The following SH3RF1 variants were observed in gnomAD, a reference collection of about 807,000 sequenced individuals.
SH3RF1 encodes SH3 domain containing ring finger 1.
In SH3RF1, 32 loss-of-function variants were observed where a neutral mutation model predicts 74.0. That is an observed-to-expected ratio of 0.43 (90% CI 0.33 to 0.58). SH3RF1 has a LOEUF of 0.58. Among genes scored for constraint, SH3RF1 ranks in the 20% least tolerant of loss-of-function variants. The probability of loss-of-function intolerance (pLI) is 0.05; values close to 1 mark genes in which losing one functional copy is unlikely to be tolerated. For missense variants in SH3RF1, 954 were observed against 1,130.9 expected, an observed-to-expected ratio of 0.84 and a Z score of 2.24; for synonymous variants, 396 against 439.6, an observed-to-expected ratio of 0.90 and a Z score of 1.24.
At chr4:169,132,708 T>TG (rs1733638762) in intron 5 of SH3RF1, among the ~76,000 whole-genome samples, 1 of 56,964 alleles carries the variant, frequency 1.8e-5, no homozygotes, top group Non-Finnish European at 3.5e-5. Context: ...AAAAAGGAGG[T>TG]GGGGGTGGGG....
chr4:169,145,196 C>T (rs1468749693), intron 4 of SH3RF1, among the ~76,000 whole-genome samples: 3 of 152,088 alleles, frequency 2.0e-5, no homozygotes, highest in East Asian at 1.9e-4. Context: ...TGTCCATCAA[C>T]GGTCTACTGG....
At chr4:169,168,187 A>G (rs142382221) in intron 2 of SH3RF1, among the ~76,000 whole-genome samples, 1 of 150,212 alleles carries the variant, frequency 6.7e-6, no homozygotes, top group African/African-American at 2.5e-5. Context: ...AACAAGCCAC[A>G]CTGGCTTTCA....
At chr4:169,194,515 T>A (rs1196364186) in intron 2 of SH3RF1, among the ~76,000 whole-genome samples, 2 of 152,198 alleles carry the variant, frequency 1.3e-5, no homozygotes, top group Non-Finnish European at 2.9e-5. Flanking sequence ...TATATTATAT[T>A]TGTGAAATTT....
At chr4:169,097,159 G>C (rs1232629558) in intron 11 of SH3RF1, among the ~76,000 whole-genome samples, 1 of 152,166 alleles carries the variant, frequency 6.6e-6, no homozygotes, top group African/African-American at 2.4e-5. Context: ...CCACCTCTAT[G>C]TTGTAAGCAC....
At chr4:169,174,552 C>T (rs1338849438) in intron 2 of SH3RF1, among the ~76,000 whole-genome samples, 7 of 152,148 alleles carry the variant, frequency 4.6e-5, no homozygotes. Flanking sequence ...CAATCTCCTT[C>T]CCAATCTCCT....
At chr4:169,166,431 T>A (rs919517269) in intron 2 of SH3RF1, 1 of 167,314 alleles carries the variant, frequency 6.0e-6, no homozygotes, top group Non-Finnish European at 1.3e-5. Flanking sequence ...ATTAGAGGAA[T>A]TGGCAGATAT....
At chr4:169,245,314 T>G in intron 2 of SH3RF1, among the ~76,000 whole-genome samples, 1 of 152,166 alleles carries the variant, frequency 6.6e-6, no homozygotes. Flanking sequence ...CTACTTAGAT[T>G]TAAGCCTATA....
chr4:169,135,594 C>A (rs1481565001), intron 5 of SH3RF1, among the ~76,000 whole-genome samples: 5 of 152,120 alleles, frequency 3.3e-5, no homozygotes, highest in Non-Finnish European at 7.4e-5. Flanking sequence ...GAATTAAAGC[C>A]TAACACAGCA....
At chr4:169,136,146 C>T (rs755420298) in intron 5 of SH3RF1, among the ~76,000 whole-genome samples, 172 bp downstream of exon 5, 6 of 152,206 alleles carry the variant, frequency 3.9e-5, no homozygotes, top group Non-Finnish European at 8.8e-5. Flanking sequence ...AGTTAGCTTT[C>T]CCTTCTCCAT....
rs146403033 is a variant in SH3RF1 at position 169,095,208 on chromosome 4, T to G, written c.*1311A>C. On this transcript the variant is annotated 3_prime_UTR_variant, in exon 12 of 12. Transcript: ENST00000284637. ...AGTAGTCTCCTGGTTAACTCATCCT[T>G]GATGTCTGTCTGCTGGGAGGACATA... 1 of 152,668 alleles carries G rather than the reference T, an allele frequency of 6.6e-6. No homozygotes were observed. The highest frequency in any genetic ancestry group is 2.4e-5 in the African/African-American group (1 of 41,458). The allele number at this position is 152,668 out of a possible 1,614,324, so 9.5% of individuals were successfully genotyped here. A position where few individuals can be genotyped will look rare whatever the true frequency, so the allele number is the denominator to read the frequency against.
chr4:169,155,446 T>TTAA, intron 4 of SH3RF1, 34 bp downstream of exon 4: 1 of 1,486,694 alleles, frequency 6.7e-7, no homozygotes, highest in Non-Finnish European at 9.4e-7. Context: ...AAGCTGAATA[T>TTAA]TAACACAGTT....
intron 11 of SH3RF1, among the ~76,000 whole-genome samples, chr4:169,101,539 G>T (rs1025724939): frequency 6.6e-6 from 1 of 152,054 alleles, no homozygotes; most frequent in Non-Finnish European, 1.5e-5. Flanking sequence ...GCAGTGAATG[G>T]TTGTATGACA....
At chr4:169,213,191 G>T (rs1730409048) in intron 2 of SH3RF1, among the ~76,000 whole-genome samples, 1 of 152,192 alleles carries the variant, frequency 6.6e-6, no homozygotes, top group Non-Finnish European at 1.5e-5. Flanking sequence ...ATTCTCACCA[G>T]CATTTAGTGT....
intron 2 of SH3RF1, among the ~76,000 whole-genome samples, chr4:169,171,807 T>C (rs1238646416): frequency 2.0e-5 from 3 of 152,068 alleles, no homozygotes; most frequent in Admixed American, 6.5e-5. Context: ...ATACAAGAAA[T>C]GTGGATGGCT....
In SH3RF1 at chr4:169,212,703, C is replaced by T. The variant is rs564659186; in HGVS notation, c.394-56024G>A. On this transcript the variant is annotated intron_variant, in intron 2 of 11. Coordinates refer to ENST00000284637, the MANE Select transcript of SH3RF1 (RefSeq NM_020870.4). Reference sequence around the variant, plus strand: ...CAATCAGTGAACCTACATTGACAAGCATCATCAACCTAAGTCCACAGTTTA... The same window carrying T: ...CAATCAGTGAACCTACATTGACAAGTATCATCAACCTAAGTCCACAGTTTA... 3.3e-5 allele frequency among the ~76,000 whole-genome samples: 5 copies of T among 152,276 alleles called. No homozygotes were observed. In the South Asian group the frequency reaches 1.0e-3, roughly 32 times the overall value.
At chr4:169,232,009 C>A (rs1206837586) in intron 2 of SH3RF1, among the ~76,000 whole-genome samples, 1 of 152,196 alleles carries the variant, frequency 6.6e-6, no homozygotes, top group East Asian at 1.9e-4. Context: ...ACGGCCTCCA[C>A]TGAAGGGAGA....
In SH3RF1 at chr4:169,170,800, TA is replaced by T. The variant is rs1256193787; in HGVS notation, c.394-14122del. Among the ~76,000 whole-genome samples, 6 of 152,284 alleles carry T rather than the reference TA, an allele frequency of 3.9e-5. No individual in the cohort carries two copies. The East Asian group carries it at 1.2e-3, about 29-fold the overall frequency. On this transcript the variant is annotated intron_variant, in intron 2 of 11. Transcript: ENST00000284637. Reference sequence around the variant, plus strand: ...TCTGATCTGTCTGAAATACAACTTTTACCATCAGAGCATGTGTCTCATCTGG... The same window carrying T: ...TCTGATCTGTCTGAAATACAACTTTTCCATCAGAGCATGTGTCTCATCTGG...
chr4:169,162,485 A>G (rs1734165553), intron 2 of SH3RF1, among the ~76,000 whole-genome samples: 1 of 152,190 alleles, frequency 6.6e-6, no homozygotes. Flanking sequence ...CTTTCCTTTA[A>G]CATTTATTTC....
At chr4:169,125,103 T>C (rs1486826643) in intron 6 of SH3RF1, among the ~76,000 whole-genome samples, 7 of 152,124 alleles carry the variant, frequency 4.6e-5, no homozygotes, top group Non-Finnish European at 8.8e-5. Context: ...TAATGGGAAA[T>C]GGTCATATTT....
Sources: allele counts gnomAD v4.1 joint callset (sites outside exome capture counted in the v4.1 genomes callset), GRCh38; gene constraint gnomAD v4.1.1; transcripts MANE v1.5; gene names NCBI Gene and HGNC (gene_info 2026-07-23, HGNC 2026-07-21).